The following MLXIPL variants were observed in gnomAD, a reference collection of about 807,000 sequenced individuals.
MLXIPL encodes the protein MLX interacting protein like.
MLXIPL carries 49 observed loss-of-function variants against 81.5 expected under a neutral mutation model. That is an observed-to-expected ratio of 0.60 (90% CI 0.48 to 0.76). MLXIPL has a LOEUF of 0.76. MLXIPL is among the 30% of genes least tolerant of loss of function. The pLI is 0.00. For missense variants in MLXIPL, 1,053 were observed against 1,167.0 expected (o/e 0.90, Z 1.42); for synonymous variants, 466 against 485.5 (o/e 0.96, Z 0.53).
In MLXIPL at chr7:73,595,908, C is replaced by A; in HGVS notation, c.2120G>T (p.Arg707Leu). 1.2e-6 allele frequency: 2 copies of A among 1,613,246 alleles called. No individual in the cohort carries two copies. The highest frequency in any genetic ancestry group is 1.1e-5 in the South Asian group (1 of 91,030). ...AEYILMLQQE[R>L]AGLQEEAQQL... ...CTGGGCCTCCTCCTGCAAGCCCGCA[C>A]GCTCCTGCTGTAGCATAAGGATGTA... Residue 707 changes from arginine to leucine, a missense_variant, in exon 14 of 17, where the codon CGT becomes CTT. By Grantham distance (102) the Arg-to-Leu change is moderately radical. Coordinates refer to ENST00000313375, the MANE Select transcript of MLXIPL (RefSeq NM_032951.3).
chr7:73,619,790 C>T (rs930409663), intron 1 of MLXIPL, among the ~76,000 whole-genome samples: 14 of 151,730 alleles, frequency 9.2e-5, no homozygotes, highest in African/African-American at 3.4e-4. Flanking sequence ...ATTAGCTGGG[C>T]GTGGTGGCAG....
chr7:73,597,876 C>T (rs927635170), intron 8 of MLXIPL, among the ~76,000 whole-genome samples, 163 bp from the exon 9 acceptor site: 15 of 152,068 alleles, frequency 9.9e-5, no homozygotes, highest in African/African-American at 1.7e-4. Context: ...CACAGGTGTG[C>T]GAACATATAC....
chr7:73,622,430 A>T (rs915850787), intron 1 of MLXIPL, among the ~76,000 whole-genome samples: 5 of 151,774 alleles, frequency 3.3e-5, no homozygotes, highest in Non-Finnish European at 7.4e-5. Flanking sequence ...CAGAGGTTGC[A>T]GTGAGCTGAG....
intron 2 of MLXIPL, among the ~76,000 whole-genome samples, chr7:73,612,473 T>C (rs1795749412): frequency 6.6e-6 from 1 of 151,812 alleles, no homozygotes; most frequent in Non-Finnish European, 1.5e-5. Context: ...AAACCCTGTC[T>C]CTACCGAAAA....
At chr7:73,607,194 G>C in intron 4 of MLXIPL, 137 bp downstream of exon 4, 3 of 1,251,198 alleles carry the variant, frequency 2.4e-6, no homozygotes. Context: ...GGCGCTGTCG[G>C]CCCGGGACTG....
chr7:73,601,217 T>TGTG (rs1794798516), intron 7 of MLXIPL, among the ~76,000 whole-genome samples: 15 of 106,152 alleles, frequency 1.4e-4, no homozygotes, highest in Non-Finnish European at 2.7e-4. Context: ...GTGTGTGTGT[T>TGTG]TGTGTCTTCA....
At position 73,596,917 on chromosome 7, in the gene MLXIPL, G is replaced by T. The variant is rs908038714; in HGVS notation, c.1619C>A (p.Ala540Asp). ...QLLTAAKPEQ[A>D]LEPPLVSSTL... is the part of the protein sequence containing the mutation. ...GCTGGATACAAGTGGTGGCTCCAGG[G>T]CTTGCTCCGGCTTAGCTGTGCACGG... The change falls in exon 10 of 17, where the codon GCC becomes GAC. Residue 540 changes from alanine to aspartate, a missense_variant. Ala to Asp is a moderately radical substitution (Grantham distance 126). This residue lies in a region of MLXIPL where 823 missense variants were observed against 933.0 expected (regional missense o/e 0.88). Coordinates refer to ENST00000313375, the MANE Select transcript of MLXIPL (RefSeq NM_032951.3). The surrounding 1 kb of genome is among the most constrained non-coding windows in gnomAD (Gnocchi z 4.7). 6.2e-7 allele frequency: 1 copy of T among 1,609,842 alleles called. No homozygotes were observed.
chr7:73,627,250 CTTTTT>C (rs869038650), upstream of MLXIPL, among the ~76,000 whole-genome samples: 1 of 133,912 alleles, frequency 7.5e-6, no homozygotes. Flanking sequence ...AAGTGGCCCT[CTTTTT>C]TTTTTTTTTT....
At chr7:73,594,218 C>A (rs1554592832) in intron 16 of MLXIPL, 56 bp downstream of exon 16, 1 of 1,604,414 alleles carries the variant, frequency 6.2e-7, no homozygotes, top group South Asian at 1.1e-5. Flanking sequence ...GGGTGGAATG[C>A]TCCCTCCACC....
Position 73,593,797 on chromosome 7 carries a change from C to A in MLXIPL, c.*68G>T. 1 of 1,349,222 alleles carries A rather than the reference C, an allele frequency of 7.4e-7. No homozygotes were observed. Among genetic ancestry groups the A allele is most frequent in the South Asian group, 1.2e-5 (1 of 85,598 alleles). 83.6% of individuals were successfully genotyped at this position (1,349,222 alleles called of 1,614,324 possible). ...CAGGAAGGGAGTGCCCAGAGATGAT[C>A]CCTGGAGCCCGTGCCCAGGGAAAGC... On this transcript the variant is annotated 3_prime_UTR_variant, in exon 17 of 17. Coordinates refer to ENST00000313375, the MANE Select transcript of MLXIPL (RefSeq NM_032951.3).
chr7:73,627,265 T>C (rs1313778934), upstream of MLXIPL, among the ~76,000 whole-genome samples: 1 of 151,282 alleles, frequency 6.6e-6, no homozygotes, highest in Admixed American at 6.6e-5. Flanking sequence ...TTTTTTTTTT[T>C]TTTGAGCCAG....
chr7:73,601,504 G>A (rs537639557), intron 7 of MLXIPL, among the ~76,000 whole-genome samples: 93 of 152,146 alleles, frequency 6.1e-4, no homozygotes, highest in Non-Finnish European at 1.1e-3. Context: ...GGTGCCCAGA[G>A]AGAATGCCAG....
chr7:73,637,151 C>A, the MLXIPL span, among the ~76,000 whole-genome samples: 2 of 151,602 alleles, frequency 1.3e-5, no homozygotes, highest in Non-Finnish European at 2.9e-5. Flanking sequence ...TTGTATTTTG[C>A]ATACTCACAA....
intron 2 of MLXIPL, among the ~76,000 whole-genome samples, chr7:73,613,320 C>T (rs1554600125): frequency 1.3e-5 from 2 of 152,238 alleles, no homozygotes; most frequent in Non-Finnish European, 1.5e-5. Flanking sequence ...ACCTATTGGC[C>T]GGGCGCGGTG....
chr7:73,595,290 C>T (rs1371747157), intron 15 of MLXIPL, among the ~76,000 whole-genome samples: 2 of 152,096 alleles, frequency 1.3e-5, no homozygotes, highest in Non-Finnish European at 2.9e-5. Flanking sequence ...AGAACTTGAC[C>T]CCTGAGCCAG....
chr7:73,606,914 C>T, intron 5 of MLXIPL, 60 bp downstream of exon 5: 2 of 1,582,396 alleles, frequency 1.3e-6, no homozygotes, highest in African/African-American at 1.3e-5. Flanking sequence ...TCAACTCTGC[C>T]TCCCATCTAC....
intron 1 of MLXIPL, 69 bp from the exon 2 acceptor site, chr7:73,616,246 C>G (rs916005429): frequency 1.7e-4 from 224 of 1,329,616 alleles, no homozygotes; most frequent in Non-Finnish European, 2.2e-4. Context: ...CCCATATTCC[C>G]CATGCACTAG....
intron 2 of MLXIPL, chr7:73,609,594 G>C (rs1432801299): frequency 6.7e-6 from 1 of 150,178 alleles, no homozygotes; most frequent in Non-Finnish European, 1.5e-5. Flanking sequence ...GTGTATGCTT[G>C]AAACAAGGAC....
At chr7:73,624,171 A>G (rs2736907) in intron 1 of MLXIPL, 29 bp downstream of exon 1, 2 of 1,490,636 alleles carry the variant, frequency 1.3e-6, no homozygotes, top group Middle Eastern at 2.4e-4. Flanking sequence ...CTGGAAGCCA[A>G]GGCCGTCAGG....
Sources: gnomAD v4.1 joint callset for allele counts (sites outside exome capture counted in the v4.1 genomes callset) on GRCh38, gnomAD v4.1.1 for gene constraint, gnomAD v4.1.1 regional missense constraint, Gnocchi (gnomAD v3.1) non-coding constraint, MANE v1.5 for transcripts, NCBI Gene and HGNC (gene_info 2026-07-23, HGNC 2026-07-21) for gene names.